The following GRIN2A variants were observed in gnomAD, a reference collection of about 807,000 sequenced individuals.
The protein encoded by GRIN2A is glutamate receptor ionotropic, NMDA 2A.
In GRIN2A, 22 loss-of-function variants were observed where a neutral mutation model predicts 113.4. The ratio of observed to expected loss-of-function variants is 0.19; its 90% CI spans 0.14 to 0.28. The LOEUF (loss-of-function observed/expected upper bound fraction) is 0.28. Among genes scored for constraint, GRIN2A ranks in the 10% least tolerant of loss-of-function variants. GRIN2A has a pLI of 1.00. For missense variants in GRIN2A, 1,502 were observed against 1,887.0 expected (o/e 0.80, Z 3.78); for synonymous variants, 827 against 738.4 (o/e 1.12, Z -1.94).
intron 2 of GRIN2A, among the ~76,000 whole-genome samples, chr16:10,165,521 T>C (rs990599897): frequency 4.1e-5 from 6 of 146,356 alleles, no homozygotes; most frequent in East Asian, 3.9e-4. Context: ...CATATATATA[T>C]ATATATGTAT....
chr16:9,916,276 G>C lies in GRIN2A; in HGVS notation c.1007+21683C>G, dbSNP rs79284677. Among the ~76,000 whole-genome samples the C allele has an allele frequency of 2.0e-5, 3 of 152,230 alleles. No individual in the cohort carries two copies. The East Asian group carries it at 5.8e-4, about 29-fold the overall frequency. ...GGGTAATAAAGCAAAATGATCCCAT[G>C]ACCCCACAGATCCTCCCAACAGTCA... On this transcript the variant is annotated intron_variant, in intron 3 of 12. Coordinates refer to ENST00000330684, the MANE Select transcript of GRIN2A (RefSeq NM_001134407.3).
intron 3 of GRIN2A, among the ~76,000 whole-genome samples, chr16:9,937,530 C>T (rs907453049): frequency 6.6e-6 from 1 of 152,028 alleles, no homozygotes; most frequent in Admixed American, 6.6e-5. Flanking sequence ...AAAATTAACT[C>T]GTAAATTCCT....
intron 2 of GRIN2A, among the ~76,000 whole-genome samples, chr16:10,036,586 A>T (rs1596449538): frequency 7.4e-6 from 1 of 135,804 alleles, no homozygotes; most frequent in Admixed American, 7.2e-5. Flanking sequence ...GACTACAGGC[A>T]CCCGCCACAA....
intron 2 of GRIN2A, among the ~76,000 whole-genome samples, chr16:9,995,742 G>C (rs772562374): frequency 6.6e-6 from 1 of 152,122 alleles, no homozygotes; most frequent in Admixed American, 6.6e-5. Context: ...CCTTTCCTTT[G>C]AGTGGGTCCC....
In GRIN2A at chr16:9,806,467, A is replaced by AAGAT. The variant is rs143336155; in HGVS notation, c.2169-8007_2169-8004dup. ...AATATTCACTGTGAATTGGGCAAAAAAGATGGATGGTTAATATTTATTTTT... is the reference window on the plus strand; with the variant it reads ...AATATTCACTGTGAATTGGGCAAAAAAGATAGATGGATGGTTAATATTTATTTTT... On this transcript the variant is annotated intron_variant, in intron 10 of 12. Coordinates refer to ENST00000330684, the MANE Select transcript of GRIN2A (RefSeq NM_001134407.3). Among the ~76,000 whole-genome samples, 516 of 152,312 alleles carry AAGAT rather than the reference A, an allele frequency of 3.4e-3. 2 individuals are homozygous for AAGAT. Among genetic ancestry groups the AAGAT allele is most frequent in the African/African-American group, 0.012 (499 of 41,546 alleles).
chr16:10,162,655 T>C (rs961033930), intron 2 of GRIN2A, among the ~76,000 whole-genome samples: 2 of 152,202 alleles, frequency 1.3e-5, no homozygotes, highest in Admixed American at 6.5e-5. Context: ...GGCTTACCTA[T>C]ATGCCCTCAT....
intron 2 of GRIN2A, among the ~76,000 whole-genome samples, chr16:9,949,150 C>A (rs764462453): frequency 1.3e-5 from 2 of 152,164 alleles, no homozygotes; most frequent in African/African-American, 4.8e-5. Context: ...TATTGTCAAT[C>A]GTCACCAGGT....
At chr16:9,807,389 A>T (rs993271758) in intron 10 of GRIN2A, among the ~76,000 whole-genome samples, 1 of 49,092 alleles carries the variant, frequency 2.0e-5, no homozygotes, top group Non-Finnish European at 3.7e-5. Flanking sequence ...GGGGAGGGAG[A>T]GAGGGAGGGA....
At chr16:9,808,444 T>C (rs1000261438) in intron 10 of GRIN2A, among the ~76,000 whole-genome samples, 1 of 152,150 alleles carries the variant, frequency 6.6e-6, no homozygotes, top group African/African-American at 2.4e-5. Context: ...AGACAGGGAC[T>C]CTCAGGGGCC....
At chr16:10,041,661 A>C (rs1034912964) in intron 2 of GRIN2A, among the ~76,000 whole-genome samples, 10 of 152,180 alleles carry the variant, frequency 6.6e-5, no homozygotes, top group African/African-American at 2.4e-4. Flanking sequence ...ATGCAATAAG[A>C]GTTAAAGATA....
chr16:9,984,754 T>C (rs894014174), intron 2 of GRIN2A, among the ~76,000 whole-genome samples: 2 of 152,236 alleles, frequency 1.3e-5, no homozygotes, highest in Non-Finnish European at 2.9e-5. Flanking sequence ...TTTATAGTTG[T>C]GATTTTTATC....
intron 11 of GRIN2A, among the ~76,000 whole-genome samples, chr16:9,794,340 C>T (rs1455311445): frequency 2.6e-5 from 4 of 152,164 alleles, no homozygotes; most frequent in East Asian, 1.9e-4. Context: ...GACTCATAAT[C>T]GTCCACTGAA....
chr16:9,996,601 A>G (rs1027552962), intron 2 of GRIN2A, among the ~76,000 whole-genome samples: 1 of 152,176 alleles, frequency 6.6e-6, no homozygotes, highest in Non-Finnish European at 1.5e-5. Context: ...TTCCAACTTC[A>G]TTTGTCTACA....
At chr16:9,779,252 C>T (rs780036639) in intron 11 of GRIN2A, among the ~76,000 whole-genome samples, 1 of 152,240 alleles carries the variant, frequency 6.6e-6, no homozygotes, top group Admixed American at 6.5e-5. Context: ...TGATGCTTCT[C>T]TTGTAACTCC....
intron 2 of GRIN2A, among the ~76,000 whole-genome samples, chr16:10,090,641 C>T (rs895340205): frequency 6.6e-6 from 1 of 151,736 alleles, no homozygotes; most frequent in Non-Finnish European, 1.5e-5. Flanking sequence ...CTCTTAGACA[C>T]AAAACCATTC....
intron 2 of GRIN2A, among the ~76,000 whole-genome samples, chr16:10,102,475 G>C (rs1273752242): frequency 6.6e-6 from 1 of 152,198 alleles, no homozygotes; most frequent in African/African-American, 2.4e-5. Flanking sequence ...AGAACCGTGA[G>C]CCAATTAAAC....
intron 2 of GRIN2A, among the ~76,000 whole-genome samples, chr16:9,959,514 C>T (rs570774784): frequency 7.9e-5 from 12 of 152,328 alleles, no homozygotes; most frequent in African/African-American, 2.4e-4. Context: ...TTTAAATATG[C>T]CACCCAAGCT....
rs190201332 is a variant in GRIN2A, at chr16:9,821,292, T to C, written c.2168+972A>G. Among the ~76,000 whole-genome samples the C allele has an allele frequency of 2.9e-3, 447 of 152,316 alleles. 2 individuals carry two copies. The highest frequency in any genetic ancestry group is 0.01 in the African/African-American group (419 of 41,562). On this transcript the variant is annotated intron_variant, in intron 10 of 12. Transcript: ENST00000330684. ...GTCATTTAAAATAAAATCATTTTTATTGGATTTAATCCTTTCTAAAATGGA... is the reference window on the plus strand; with the variant it reads ...GTCATTTAAAATAAAATCATTTTTACTGGATTTAATCCTTTCTAAAATGGA...
chr16:10,118,493 A>C (rs1315131617), intron 2 of GRIN2A, among the ~76,000 whole-genome samples: 1 of 152,180 alleles, frequency 6.6e-6, no homozygotes, highest in Non-Finnish European at 1.5e-5. Flanking sequence ...TATACCTCTA[A>C]GCCTGTGAAC....
Sources: allele counts gnomAD v4.1 joint callset (sites outside exome capture counted in the v4.1 genomes callset), GRCh38; gene constraint gnomAD v4.1.1; transcripts MANE v1.5; gene names NCBI Gene and HGNC (gene_info 2026-07-23, HGNC 2026-07-21).